TTLL5: variants seen among roughly 807,000 people sequenced by gnomAD.
TTLL5 encodes the protein tubulin polyglutamylase TTLL5.
TTLL5 carries 132 observed loss-of-function variants against 168.4 expected under a neutral mutation model. The observed-to-expected ratio is 0.78, with a 90% CI of 0.68 to 0.91. The LOEUF is 0.91. TTLL5 is among the 40% of genes least tolerant of loss of function. The pLI, the probability that TTLL5 is intolerant of heterozygous loss-of-function variation, is 0.00. For synonymous variants in TTLL5, 546 were observed against 558.6 expected (o/e 0.98, Z 0.32); for missense variants, 1,545 against 1,581.5 (o/e 0.98, Z 0.39).
At chr14:75,916,186 A>G (rs1195820396) in intron 31 of TTLL5, among the ~76,000 whole-genome samples, 1 of 141,364 alleles carries the variant, frequency 7.1e-6, no homozygotes. Context: ...AGAAGGAAAG[A>G]AGGGAAGGAA....
intron 31 of TTLL5, among the ~76,000 whole-genome samples, chr14:75,948,017 A>G (rs1253447159): frequency 6.6e-6 from 1 of 152,114 alleles, no homozygotes; most frequent in Non-Finnish European, 1.5e-5. Context: ...ACATCACACT[A>G]AATAACTGCA....
intron 31 of TTLL5, among the ~76,000 whole-genome samples, chr14:75,926,249 C>T (rs563230423): frequency 2.2e-5 from 3 of 138,938 alleles, no homozygotes; most frequent in South Asian, 2.4e-4. Flanking sequence ...TGTCTCTGCA[C>T]GTGAGATGGG....
intron 26 of TTLL5, among the ~76,000 whole-genome samples, chr14:75,785,325 A>G (rs1265874670): frequency 6.6e-6 from 1 of 152,108 alleles, no homozygotes; most frequent in African/African-American, 2.4e-5. Context: ...GACTACAGGC[A>G]CATGCCACCA....
rs199591279 is a variant in TTLL5 at position 75,698,411 on chromosome 14, AT to A, written c.503-768del. ...TGGCACATTGCTTGATTTACAGTGA[AT>A]TTTTTTTTATAAGCTCGAAATATTT... On this transcript the variant is annotated intron_variant, in intron 6 of 31. Coordinates refer to ENST00000298832, the MANE Select transcript of TTLL5 (RefSeq NM_015072.5). Among the ~76,000 whole-genome samples the A allele has an allele frequency of 1.4e-3, 215 of 151,884 alleles. 1 individual carries two copies. Among genetic ancestry groups the A allele is most frequent in the African/African-American group, 5.0e-3 (209 of 41,402 alleles).
chr14:75,748,282 A>T (rs75399124), intron 17 of TTLL5, among the ~76,000 whole-genome samples: 1,839 of 14,030 alleles, frequency 0.13, 14 homozygotes, highest in Non-Finnish European at 0.22. Flanking sequence ...ACTTTTTCTT[A>T]AAAAAAAAAA....
intron 18 of TTLL5, among the ~76,000 whole-genome samples, chr14:75,755,843 T>A (rs1890223422): frequency 6.6e-6 from 1 of 152,164 alleles, no homozygotes; most frequent in African/African-American, 2.4e-5. Context: ...CTCATTTCTT[T>A]TAGGTTAATT....
chr14:75,797,920 G>A (rs1173134230), intron 27 of TTLL5, among the ~76,000 whole-genome samples: 1 of 151,878 alleles, frequency 6.6e-6, no homozygotes, highest in Non-Finnish European at 1.5e-5. Flanking sequence ...TTTTGTTAAT[G>A]TCCTTTCCTG....
At chr14:75,711,291 T>G (rs1351192793) in intron 9 of TTLL5, 1 of 152,150 alleles carries the variant, frequency 6.6e-6, no homozygotes, top group Non-Finnish European at 1.5e-5. Context: ...TTTACTTGCG[T>G]GTTGCTGTTT....
intron 12 of TTLL5, among the ~76,000 whole-genome samples, chr14:75,724,416 A>G (rs563636444): frequency 3.9e-5 from 6 of 152,120 alleles, no homozygotes; most frequent in Non-Finnish European, 7.4e-5. Flanking sequence ...GATGAGATAC[A>G]GATATAGATA....
At chr14:75,900,885 C>G (rs542839193) in intron 30 of TTLL5, among the ~76,000 whole-genome samples, 1 of 152,342 alleles carries the variant, frequency 6.6e-6, no homozygotes, top group South Asian at 2.1e-4. Flanking sequence ...GCATTTAGCA[C>G]ACACTTTGTG....
intron 3 of TTLL5, among the ~76,000 whole-genome samples, chr14:75,678,530 G>T (rs1884359772): frequency 6.6e-6 from 1 of 151,894 alleles, no homozygotes; most frequent in African/African-American, 2.4e-5. Flanking sequence ...ATTACATTTT[G>T]TTGTCATATT....
At chr14:75,722,345 A>G (rs898217957) in intron 12 of TTLL5, among the ~76,000 whole-genome samples, 3 of 152,128 alleles carry the variant, frequency 2.0e-5, no homozygotes, top group Admixed American at 6.5e-5. Flanking sequence ...TCCTGGGCCC[A>G]AGTGATCCTC....
intron 6 of TTLL5, among the ~76,000 whole-genome samples, chr14:75,698,848 T>A (rs1886051892): frequency 6.7e-6 from 1 of 149,200 alleles, no homozygotes; most frequent in Non-Finnish European, 1.5e-5. Context: ...GAGGGTGCAA[T>A]AAGCTATGGA....
chr14:75,764,188 A>G (rs931637729), intron 18 of TTLL5, among the ~76,000 whole-genome samples: 1 of 152,230 alleles, frequency 6.6e-6, no homozygotes, highest in Non-Finnish European at 1.5e-5. Flanking sequence ...ATATACATTC[A>G]AAAGAATATT....
chr14:75,821,222 G>A (rs146752300), intron 28 of TTLL5, among the ~76,000 whole-genome samples: 1 of 152,300 alleles, frequency 6.6e-6, no homozygotes, highest in Non-Finnish European at 1.5e-5. Flanking sequence ...GCGGTACGGT[G>A]TCTTTCATAC....
At chr14:75,665,231 AAAT>A (rs1401613393) in intron 2 of TTLL5, among the ~76,000 whole-genome samples, 1 of 152,258 alleles carries the variant, frequency 6.6e-6, no homozygotes, top group Non-Finnish European at 1.5e-5. Context: ...CTAATACATT[AAAT>A]AATAAGATCA....
At chr14:75,891,447 G>C (rs555940116) in intron 30 of TTLL5, among the ~76,000 whole-genome samples, 29 of 152,266 alleles carry the variant, frequency 1.9e-4, no homozygotes, top group African/African-American at 6.7e-4. Flanking sequence ...TTGAATGTCT[G>C]TTTTGCTCAA....
intron 31 of TTLL5, among the ~76,000 whole-genome samples, chr14:75,937,076 G>A (rs576783285): frequency 6.6e-6 from 1 of 151,900 alleles, no homozygotes; most frequent in Admixed American, 6.6e-5. Flanking sequence ...AACATAAAAT[G>A]TGCTGTTTCA....
intron 7 of TTLL5, among the ~76,000 whole-genome samples, chr14:75,706,263 G>A (rs1886653640): frequency 6.6e-6 from 1 of 152,112 alleles, no homozygotes; most frequent in Non-Finnish European, 1.5e-5. Context: ...GCTGCTTTGT[G>A]TTCTTTTAAA....
Sources: gnomAD v4.1 joint callset for allele counts (sites outside exome capture counted in the v4.1 genomes callset) on GRCh38, gnomAD v4.1.1 for gene constraint, MANE v1.5 for transcripts, NCBI Gene and HGNC (gene_info 2026-07-23, HGNC 2026-07-21) for gene names.